The following OSBPL7 variants were observed in gnomAD, a reference collection of about 807,000 sequenced individuals.
OSBPL7 encodes the protein oxysterol binding protein like 7.
Under a neutral mutation model 115.8 loss-of-function variants are expected in OSBPL7, and 66 were observed. That is an observed-to-expected ratio of 0.57 (90% CI 0.47 to 0.70). OSBPL7 has a LOEUF of 0.70. Ranked by LOEUF, OSBPL7 falls within the 30% of genes least tolerant of loss-of-function variation. The pLI is 0.00. For synonymous variants in OSBPL7, 441 were observed against 439.2 expected (o/e 1.00, Z -0.05); for missense variants, 902 against 1,125.5 (o/e 0.80, Z 2.84).
chr17:47,815,100 T>C, intron 13 of OSBPL7, 115 bp downstream of exon 13: 2 of 1,354,236 alleles, frequency 1.5e-6, no homozygotes, highest in Non-Finnish European at 1.0e-6. Flanking sequence ...GTCCCAGAGA[T>C]AGCAGCTGAG....
At chr17:47,810,546 A>C in intron 18 of OSBPL7, 48 bp downstream of exon 18, 1 of 1,545,126 alleles carries the variant, frequency 6.5e-7, no homozygotes, top group East Asian at 2.2e-5. Flanking sequence ...TCCAGCCTGA[A>C]GGATTGCCTG....
At position 47,816,738 on chromosome 17, in the gene OSBPL7, A is replaced by G. The variant is rs1253822968; in HGVS notation, c.795+42T>C. The G allele has an allele frequency of 1.2e-6, 2 of 1,613,906 alleles. No homozygotes were observed. The highest frequency in any genetic ancestry group is 3.3e-5 in the Admixed American group (2 of 60,002). ...GGGCTGAAGGGGCCGGCCTCCTTAG[A>G]GCATCCTGCCCCAGCTACGTGAGGT... On this transcript the variant is annotated intron_variant, in intron 9 of 22. Transcript: ENST00000007414. The surrounding 1 kb of genome is among the most constrained non-coding windows in gnomAD (Gnocchi z 5.8).
chr17:47,820,493 A>C, intron 1 of OSBPL7, 128 bp from the exon 2 acceptor site: 1 of 559,232 alleles, frequency 1.8e-6, no homozygotes. Context: ...AGCCTCTCCC[A>C]AGTCTGCCCC....
chr17:47,809,061 G>A lies in OSBPL7; in HGVS notation c.2170+15C>T. 1 of 1,613,856 alleles carries A rather than the reference G, an allele frequency of 6.2e-7. No homozygotes were observed. The highest frequency in any genetic ancestry group is 8.5e-7 in the Non-Finnish European group (1 of 1,180,030). ...GCTCCAGCCTCACCCAGCCCTCTGT[G>A]ACCCCTCCACTTACTGGGTTTCCAG... On this transcript the variant is annotated intron_variant, in intron 20 of 22. Coordinates refer to ENST00000007414, the MANE Select transcript of OSBPL7 (RefSeq NM_145798.3).
chr17:47,820,062 C>G lies in OSBPL7; in HGVS notation c.110G>C (p.Arg37Pro). Residue 37 changes from arginine (R) to proline (P), a missense_variant, in exon 3 of 23, where the codon CGG (arginine) becomes CCG (proline). This residue lies in a region of OSBPL7 where 667 missense variants were observed against 788.7 expected (regional missense o/e 0.85). Transcript: ENST00000007414. ...GACACCCTCTGTCCCCAGCCTGACC[C>G]GAGGCTCCTCCACCACCTCCCACAG... ...SELWEVVEEP[R>P]VRLGTEGVMP... 8 of 1,612,500 alleles carry G rather than the reference C, an allele frequency of 5.0e-6. No individual in the cohort carries two copies. The highest frequency in any genetic ancestry group is 1.3e-5 in the African/African-American group (1 of 74,954).
intron 13 of OSBPL7, chr17:47,814,995 C>T: frequency 1.6e-6 from 1 of 629,110 alleles, no homozygotes; most frequent in Non-Finnish European, 2.7e-6. Flanking sequence ...TTCAGGAGAA[C>T]CCAATGGGGA....
intron 4 of OSBPL7, 57 bp downstream of exon 4, chr17:47,819,672 C>T (rs1453602786): frequency 1.6e-5 from 26 of 1,604,706 alleles, no homozygotes; most frequent in Non-Finnish European, 2.0e-5. Flanking sequence ...CCATGCCTGC[C>T]CAGGGCATAC....
At chr17:47,814,997 C>T in intron 13 of OSBPL7, 1 of 632,982 alleles carries the variant, frequency 1.6e-6, no homozygotes, top group Admixed American at 3.1e-5. Flanking sequence ...CAGGAGAACC[C>T]AATGGGGATA....
intron 4 of OSBPL7, 84 bp from the exon 5 acceptor site, chr17:47,819,183 C>A: frequency 8.4e-7 from 1 of 1,187,266 alleles, no homozygotes; most frequent in South Asian, 1.3e-5. Flanking sequence ...TGATGCCATT[C>A]TAGGCTCAAG....
chr17:47,809,604 T>C (rs1044267611), intron 18 of OSBPL7, 126 bp from the exon 19 acceptor site: 1 of 1,063,944 alleles, frequency 9.4e-7, no homozygotes, highest in Non-Finnish European at 1.3e-6. Context: ...CCAACTCCAG[T>C]TCTGCAGTGA....
intron 15 of OSBPL7, 41 bp from the exon 16 acceptor site, chr17:47,813,444 C>T (rs961684630): frequency 1.2e-6 from 2 of 1,610,840 alleles, no homozygotes; most frequent in Admixed American, 1.7e-5. Flanking sequence ...GAGGACGGGG[C>T]CGCCACCCCA....
chr17:47,808,656 G>A lies in OSBPL7; in HGVS notation c.2302C>T (p.Leu768=), dbSNP rs2032935069. The A allele has an allele frequency of 1.2e-6, 2 of 1,614,140 alleles. No individual in the cohort carries two copies. The highest frequency in any genetic ancestry group is 1.7e-6 in the Non-Finnish European group (2 of 1,180,018). ...GCGGCCTGTATGTTCCCCTCCTCCA[G>A]GTACCTGAGGATCCAGATCAAACTC... ...DTRLRPDQRY[L]EEGNIQAAEA... The change falls in exon 22 of 23, where the codon CTG becomes TTG. Residue 768 remains leucine, a synonymous_variant. Coordinates refer to ENST00000007414, the MANE Select transcript of OSBPL7 (RefSeq NM_145798.3). This position sits in a 1 kb window ranked among gnomAD's most constrained non-coding sequence, Gnocchi z 6.1.
At chr17:47,817,387 A>C in intron 7 of OSBPL7, 28 bp from the exon 8 acceptor site, 13 of 1,499,580 alleles carry the variant, frequency 8.7e-6, no homozygotes, top group South Asian at 1.2e-5. Flanking sequence ...AAGAACAAGA[A>C]CACCATTCAT....
chr17:47,820,058 G>C lies in OSBPL7; in HGVS notation c.114C>G (p.Val38=). 6.2e-7 allele frequency: 1 copy of C among 1,612,250 alleles called. No homozygotes were observed. The highest frequency in any genetic ancestry group is 1.3e-5 in the African/African-American group (1 of 74,864). The change falls in exon 3 of 23, where the codon GTC becomes GTG. Residue 38 remains valine, a synonymous_variant. Coordinates refer to ENST00000007414, the MANE Select transcript of OSBPL7 (RefSeq NM_145798.3). ...ELWEVVEEPR[V]RLGTEGVMPE... ...GCATGACACCCTCTGTCCCCAGCCT[G>C]ACCCGAGGCTCCTCCACCACCTCCC...
In OSBPL7 at chr17:47,808,289, G is replaced by A; in HGVS notation, c.*2C>T. Reference sequence around the variant, plus strand: ...CAGAGCCTCCTGCCCCCGGGGCCAGGGCTACCAGAGCACGGCCCCATCCAT... The same window carrying A: ...CAGAGCCTCCTGCCCCCGGGGCCAGAGCTACCAGAGCACGGCCCCATCCAT... On this transcript the variant is annotated 3_prime_UTR_variant, in exon 23 of 23. Transcript: ENST00000007414. This position sits in a 1 kb window ranked among gnomAD's most constrained non-coding sequence, Gnocchi z 6.1. The A allele has an allele frequency of 6.2e-7, 1 of 1,608,974 alleles. No individual in the cohort carries two copies. Among genetic ancestry groups the A allele is most frequent in the Non-Finnish European group, 8.5e-7 (1 of 1,176,056 alleles).
In OSBPL7 at chr17:47,809,183, C is replaced by A; in HGVS notation, c.2063G>T (p.Gly688Val). Reference sequence around the variant, plus strand: ...ACGGCCACTCCGACTGAGCACAGCGCCCTGCACCTCGTGGACATTGGAACT... The same window carrying A: ...ACGGCCACTCCGACTGAGCACAGCGACCTGCACCTCGTGGACATTGGAACT... ...YWSSNVHEVQ[G>V]AVLSRSGRVL... The change falls in exon 20 of 23, where the codon GGC becomes GTC. Residue 688 changes from glycine (G) to valine (V), a missense_variant. Physicochemically the swap from Gly to Val is moderately radical, Grantham distance 109 (BLOSUM62 -3). Transcript: ENST00000007414. 1 of 1,614,160 alleles carries A rather than the reference C, an allele frequency of 6.2e-7. No individual in the cohort carries two copies. Among genetic ancestry groups the A allele is most frequent in the Non-Finnish European group, 8.5e-7 (1 of 1,180,038 alleles).
In OSBPL7 at chr17:47,820,383, A is replaced by G. The variant is rs756645392; in HGVS notation, c.-87-18T>C. ...ACGGGGTCCTTGAAGCAAGAGAAAG[A>G]CCCCCTTAACGCAAACTCTGCTATC... On this transcript the variant is annotated intron_variant, in intron 1 of 22. Coordinates refer to ENST00000007414, the MANE Select transcript of OSBPL7 (RefSeq NM_145798.3). The G allele has an allele frequency of 4.0e-5, 44 of 1,113,528 alleles. No individual in the cohort carries two copies. Among genetic ancestry groups the G allele is most frequent in the Non-Finnish European group, 5.4e-5 (43 of 791,800 alleles). 69.0% of individuals were successfully genotyped at this position (1,113,528 alleles called of 1,614,324 possible). A position where few individuals can be genotyped will look rare whatever the true frequency, so the allele number is the denominator to read the frequency against.
chr17:47,810,830 G>A lies in OSBPL7; in HGVS notation c.1743C>T (p.Ser581=). 6.2e-7 allele frequency: 1 copy of A among 1,613,436 alleles called. No homozygotes were observed. The highest frequency in any genetic ancestry group is 8.5e-7 in the Non-Finnish European group (1 of 1,179,870). The part of the protein sequence containing the change: ...RGFRFISEQV[S]HHPPISACHA... ...GGCAGGCCGAGATAGGGGGGTGGTG[G>A]GAGACCTTGGTGAGCAAAGAAGTTA... is the stretch of plus-strand genomic sequence containing the variant. The change falls in exon 17 of 23, where the codon TCC becomes TCT. Residue 581 remains serine, a synonymous_variant. Coordinates refer to ENST00000007414, the MANE Select transcript of OSBPL7 (RefSeq NM_145798.3).
In OSBPL7 at chr17:47,818,523, T is replaced by C. The variant is rs746281671; in HGVS notation, c.463A>G (p.Ser155Gly). 6.2e-7 allele frequency: 1 copy of C among 1,607,808 alleles called. No homozygotes were observed. Among genetic ancestry groups the C allele is most frequent in the Non-Finnish European group, 8.5e-7 (1 of 1,176,926 alleles). Reference protein sequence around the residue: ...RLDMPRGSLPSTAHRKVPGAQ... With the variant: ...RLDMPRGSLPGTAHRKVPGAQ... Reference sequence around the variant, plus strand: ...CACCTTACCTTCCGGTGAGCAGTACTGGGCAGTGAGCCACGGGGCATGTCC... The same window carrying C: ...CACCTTACCTTCCGGTGAGCAGTACCGGGCAGTGAGCCACGGGGCATGTCC... Residue 155 changes from serine to glycine, a missense_variant, in exon 6 of 23, where the codon AGT becomes GGT. By Grantham distance (56) the Ser-to-Gly change is moderately conservative. This residue lies in a region of OSBPL7 where 667 missense variants were observed against 788.7 expected (regional missense o/e 0.85). Coordinates refer to ENST00000007414, the MANE Select transcript of OSBPL7 (RefSeq NM_145798.3).
Sources: gnomAD v4.1 joint callset for allele counts on GRCh38, gnomAD v4.1.1 for gene constraint, gnomAD v4.1.1 regional missense constraint, Gnocchi (gnomAD v3.1) non-coding constraint, MANE v1.5 for transcripts, NCBI Gene and HGNC (gene_info 2026-07-23, HGNC 2026-07-21) for gene names.